The following SERPINC1 variants were observed in gnomAD, a reference collection of about 807,000 sequenced individuals.
The protein encoded by SERPINC1 is serpin family C member 1, also known as antithrombin-III.
Under a neutral mutation model 43.4 loss-of-function variants are expected in SERPINC1, and 12 were observed. The observed-to-expected ratio is 0.28, with a 90% CI of 0.18 to 0.45. The LOEUF is 0.45. SERPINC1 is among the 20% of genes least tolerant of loss of function. SERPINC1 has a pLI of 1.00. For missense variants in SERPINC1, 423 were observed against 578.8 expected (o/e 0.73, Z 2.76); for synonymous variants, 210 against 218.9 (o/e 0.96, Z 0.36).
intron 5 of SERPINC1, among the ~76,000 whole-genome samples, chr1:173,908,050 C>T (rs187520457): frequency 4.6e-5 from 7 of 150,626 alleles, no homozygotes; most frequent in Admixed American, 4.6e-4. Flanking sequence ...GCTTGTTCAG[C>T]ATGGCTCCTG....
chr1:173,904,816 A>C (rs1036824713), intron 6 of SERPINC1, among the ~76,000 whole-genome samples: 1 of 151,776 alleles, frequency 6.6e-6, no homozygotes, highest in Non-Finnish European at 1.5e-5. Context: ...TACCTATTTC[A>C]TGCTCATTCC....
chr1:173,907,403 A>T, intron 6 of SERPINC1, 47 bp downstream of exon 6: 2 of 1,435,642 alleles, frequency 1.4e-6, no homozygotes, highest in Non-Finnish European at 2.0e-6. Context: ...CCTGCTGTTC[A>T]TGCATCTCCT....
At chr1:173,904,264 C>T (rs1198279665) in intron 6 of SERPINC1, among the ~76,000 whole-genome samples, 199 bp from the exon 7 acceptor site, 1 of 152,164 alleles carries the variant, frequency 6.6e-6, no homozygotes, top group Non-Finnish European at 1.5e-5. Context: ...TTGTGTTTGT[C>T]CAAGCCTTGT....
At chr1:173,916,904 G>A (rs1658014017) in intron 1 of SERPINC1, among the ~76,000 whole-genome samples, 1 of 152,148 alleles carries the variant, frequency 6.6e-6, no homozygotes, top group Non-Finnish European at 1.5e-5. Context: ...TGGATGGCAG[G>A]CCCTGGGGAT....
chr1:173,906,115 C>T (rs1006449703), intron 6 of SERPINC1, among the ~76,000 whole-genome samples: 7 of 151,980 alleles, frequency 4.6e-5, no homozygotes, highest in African/African-American at 1.7e-4. Flanking sequence ...CTGGCTCCCG[C>T]AAAAAATAGT....
intron 6 of SERPINC1, 82 bp from the exon 7 acceptor site, chr1:173,904,147 A>G (rs1657384529): frequency 1.5e-6 from 2 of 1,302,420 alleles, no homozygotes; most frequent in African/African-American, 1.5e-5. Flanking sequence ...AGACACAGCA[A>G]TTCCTCAAAT....
In SERPINC1 at chr1:173,909,785, T is replaced by C; in HGVS notation, c.920A>G (p.Lys307Arg). The change falls in exon 5 of 7, where the codon AAA (lysine) becomes AGA (arginine). Residue 307 changes from lysine to arginine, a missense_variant. Transcript: ENST00000367698. ...EGTQVLELPFKGDDITMVLIL... is the reference protein window; with the variant it reads ...EGTQVLELPFRGDDITMVLIL... ...GAGGACCATGGTGATGTCATCACCT[T>C]TGAAGGGCAACTCAAGCACCTGGGT... 1.2e-6 allele frequency: 2 copies of C among 1,614,258 alleles called. No homozygotes were observed. Among genetic ancestry groups the C allele is most frequent in the Non-Finnish European group, 1.7e-6 (2 of 1,180,032 alleles).
In SERPINC1 at chr1:173,915,101, G is replaced by C. The variant is rs1657934469; in HGVS notation, c.42-182C>G. 1.4e-6 allele frequency: 2 copies of C among 1,461,706 alleles called. 1 individual carries two copies. The highest frequency in any genetic ancestry group is 5.1e-5 in the Admixed American group (2 of 39,444). 90.5% of individuals were successfully genotyped at this position (1,461,706 alleles called of 1,614,324 possible). A position where few individuals can be genotyped will look rare whatever the true frequency, so the allele number is the denominator to read the frequency against. On this transcript the variant is annotated intron_variant, in intron 1 of 6. Coordinates refer to ENST00000367698, the MANE Select transcript of SERPINC1 (RefSeq NM_000488.4). ...GTTCAGTCCTAGACTTCTTGCCAGG[G>C]GACAGTTCAGTTGCCTGGACGTGGT...
Position 173,914,570 on chromosome 1 carries a change from G to A in SERPINC1, c.391C>T (p.Leu131Phe), listed in dbSNP as rs121909567. 18 of 1,614,034 alleles carry A rather than the reference G, an allele frequency of 1.1e-5. No homozygotes were observed. The highest frequency in any genetic ancestry group is 1.4e-5 in the Non-Finnish European group (17 of 1,180,048). The change falls in exon 2 of 7, where the codon CTC becomes TTC. Residue 131 changes from leucine (L) to phenylalanine (F), a missense_variant. Transcript: ENST00000367698. Reference protein sequence around the residue: ...MTKLGACNDTLQQLMEVFKFD... With the variant: ...MTKLGACNDTFQQLMEVFKFD... ...GGTCGTACCTCCATCAGTTGCTGGA[G>A]GGTGTCATTACAGGCACCCAGCTTG...
At chr1:173,907,575 T>C (rs190912722) in intron 5 of SERPINC1, 61 bp from the exon 6 acceptor site, 31 of 1,195,706 alleles carry the variant, frequency 2.6e-5, no homozygotes, top group Non-Finnish European at 3.5e-5. Flanking sequence ...AACCCACAGA[T>C]GGGAATTCAG....
At position 173,907,483 on chromosome 1, in the gene SERPINC1, A is replaced by G. The variant is rs769120458; in HGVS notation, c.1185T>C (p.Tyr395=). Residue 395 remains tyrosine, a synonymous_variant, in exon 6 of 7, where the codon TAT becomes TAC. Transcript: ENST00000367698. ...ATGCCTTATGGAATGCATCTGAGAC[A>G]TAGAGGTCATCTCGGCCTTCTGCAA... ...GIVAEGRDDL[Y]VSDAFHKAFL... 1 of 1,613,992 alleles carries G rather than the reference A, an allele frequency of 6.2e-7. No individual in the cohort carries two copies. The highest frequency in any genetic ancestry group is 1.7e-5 in the Admixed American group (1 of 60,028).
At chr1:173,904,377 G>A (rs1441007462) in intron 6 of SERPINC1, among the ~76,000 whole-genome samples, 1 of 152,032 alleles carries the variant, frequency 6.6e-6, no homozygotes, top group Admixed American at 6.6e-5. Context: ...GTTTTACAGC[G>A]GATTTTTTTT....
At chr1:173,909,453 C>T in intron 5 of SERPINC1, 99 bp downstream of exon 5, 8 of 1,273,600 alleles carry the variant, frequency 6.3e-6, no homozygotes, top group Non-Finnish European at 7.9e-6. Context: ...ATCCAGGAGT[C>T]CTGACTTGTT....
At chr1:173,911,678 G>T in intron 3 of SERPINC1, 121 bp downstream of exon 3, 1 of 815,634 alleles carries the variant, frequency 1.2e-6, no homozygotes, top group Non-Finnish European at 2.1e-6. Flanking sequence ...CTAACTTTTA[G>T]TCAGCCCTCC....
At chr1:173,916,075 G>T (rs1300983148) in intron 1 of SERPINC1, among the ~76,000 whole-genome samples, 1 of 152,052 alleles carries the variant, frequency 6.6e-6, no homozygotes, top group Non-Finnish European at 1.5e-5. Context: ...TTTATTGCCT[G>T]GAATTTTTAA....
At chr1:173,912,099 A>G (rs1042633601) in intron 2 of SERPINC1, 85 bp from the exon 3 acceptor site, 2 of 905,008 alleles carry the variant, frequency 2.2e-6, no homozygotes, top group African/African-American at 3.3e-5. Flanking sequence ...TCAGTCTCTG[A>G]CTAATAGCCA....
At chr1:173,912,816 G>A (rs192921114) in intron 2 of SERPINC1, among the ~76,000 whole-genome samples, 1 of 152,278 alleles carries the variant, frequency 6.6e-6, no homozygotes, top group Admixed American at 6.5e-5. Context: ...AAAGGAACAT[G>A]TGTGGTTTGG....
chr1:173,904,284 T>TAAG (rs1193626212), intron 6 of SERPINC1, among the ~76,000 whole-genome samples: 1 of 152,214 alleles, frequency 6.6e-6, no homozygotes, highest in East Asian at 1.9e-4. Context: ...TGCTAGGTAA[T>TAAG]AAGTGTAAGA....
rs746961120 is a variant in SERPINC1 at position 173,909,928 on chromosome 1, T to G, written c.777A>C (p.Ser259=). ...NTIYFKGLWK[S]KFSPENTRKE... ...TCCTTGTGTTCTCAGGGCTGAACTT[T>G]GACTTCCACAGGCCCTGGAAGAGAA... Residue 259 remains serine (S), a synonymous_variant, in exon 5 of 7, where the codon TCA becomes TCC. Coordinates refer to ENST00000367698, the MANE Select transcript of SERPINC1 (RefSeq NM_000488.4). The G allele has an allele frequency of 3.1e-6, 5 of 1,614,178 alleles. No homozygotes were observed. The highest frequency in any genetic ancestry group is 4.2e-6 in the Non-Finnish European group (5 of 1,180,044).
Sources: gnomAD v4.1 joint callset for allele counts (sites outside exome capture counted in the v4.1 genomes callset) on GRCh38, gnomAD v4.1.1 for gene constraint, MANE v1.5 for transcripts, NCBI Gene and HGNC (gene_info 2026-07-23, HGNC 2026-07-21) for gene names.